Variants in GPR180 observed in about 807,000 individuals in gnomAD.
The protein encoded by GPR180 is G protein-coupled receptor 180.
A neutral mutation model predicts 52.6 loss-of-function variants in GPR180; 53 were observed. The observed-to-expected ratio is 1.01, with a 90% CI of 0.81 to 1.27. The LOEUF (loss-of-function observed/expected upper bound fraction) is 1.27. GPR180 is among the 50% of genes most tolerant of loss of function. GPR180 has a pLI of 0.00. For synonymous variants in GPR180, 200 were observed against 193.1 expected (o/e 1.04, Z -0.30); for missense variants, 533 against 527.0 (o/e 1.01, Z -0.11).
At chr13:94,602,362 A>C (rs1012613768) in intron 1 of GPR180, among the ~76,000 whole-genome samples, 20 of 152,170 alleles carry the variant, frequency 1.3e-4, no homozygotes, top group Admixed American at 3.3e-4. Context: ...CTTGGAAGCC[A>C]ATGTGCAAAA....
intron 7 of GPR180, among the ~76,000 whole-genome samples, chr13:94,624,621 G>A (rs563639609): frequency 1.3e-5 from 2 of 152,322 alleles, no homozygotes; most frequent in South Asian, 4.1e-4. Context: ...GCAGTGGCGT[G>A]ATCTCGGCTC....
chr13:94,619,131 C>G lies in GPR180; in HGVS notation c.506-19C>G, dbSNP rs775140623. The G allele has an allele frequency of 3.1e-6, 5 of 1,598,748 alleles. No homozygotes were observed. The South Asian group carries it at 5.6e-5, about 18-fold the overall frequency. ...TGGCTTTGTTTTACTGAAGCAAACT[C>G]CCTTTCTTCTCTTCACAGGGTTACA... On this transcript the variant is annotated intron_variant, in intron 3 of 8. Transcript: ENST00000376958.
intron 2 of GPR180, among the ~76,000 whole-genome samples, chr13:94,610,474 C>T (rs933753026): frequency 3.3e-5 from 5 of 152,170 alleles, no homozygotes; most frequent in Non-Finnish European, 7.4e-5. Flanking sequence ...CACAAGAACT[C>T]TGCACTAGCA....
chr13:94,613,777 A>C (rs1889742263), intron 3 of GPR180, among the ~76,000 whole-genome samples: 1 of 151,644 alleles, frequency 6.6e-6, no homozygotes, highest in South Asian at 2.1e-4. Context: ...AAAGATGCCA[A>C]CTTTTTTCTG....
Position 94,633,642 on chromosome 13 carries a change from A to ATTTGTGAT in GPR180, c.*6475_*6482dup, listed in dbSNP as rs1890028741. The stretch of plus-strand genomic sequence containing the variant: ...ATATGAGTCTGAACTGTGTTTCTCA[A>ATTTGTGAT]TTTGTGATTTTTCTCTTTACTTTTT... On this transcript the variant is annotated 3_prime_UTR_variant, in exon 9 of 9. Coordinates refer to ENST00000376958, the MANE Select transcript of GPR180 (RefSeq NM_180989.6). 6.6e-6 allele frequency: 1 copy of ATTTGTGAT among 150,880 alleles called. No individual in the cohort carries two copies. Among genetic ancestry groups the ATTTGTGAT allele is most frequent in the Non-Finnish European group, 1.5e-5 (1 of 67,716 alleles). The allele number at this position is 150,880 out of a possible 1,614,324, so 9.3% of individuals were successfully genotyped here. A position where few individuals can be genotyped will look rare whatever the true frequency, so the allele number is the denominator to read the frequency against.
intron 1 of GPR180, among the ~76,000 whole-genome samples, chr13:94,602,344 A>G (rs897672296): frequency 4.6e-5 from 7 of 151,172 alleles, no homozygotes; most frequent in African/African-American, 1.2e-4. Context: ...CATTTCCCCA[A>G]CCCTCCCCTT....
chr13:94,623,267 ACT>A lies in GPR180; in HGVS notation c.1055_1056del (p.Leu352GlnfsTer30). 6.2e-7 allele frequency: 1 copy of A among 1,613,676 alleles called. No homozygotes were observed. Among genetic ancestry groups the A allele is most frequent in the Non-Finnish European group, 8.5e-7 (1 of 1,179,830 alleles). Reference protein sequence around the residue: ...YQIITVERSTLKREFYITFAK... With the variant: ...YQIITVERSTXKREFYITFAK... ...AGATCATCACAGTGGAGAGAAGTAC[ACT>A]CAAAAGGGAGTTCTACATCACATTT... On this transcript the variant is annotated frameshift_variant, in exon 7 of 9. Coordinates refer to ENST00000376958, the MANE Select transcript of GPR180 (RefSeq NM_180989.6). LOFTEE classifies it high-confidence loss of function.
At chr13:94,615,060 A>G (rs1173486380) in intron 3 of GPR180, among the ~76,000 whole-genome samples, 1 of 152,240 alleles carries the variant, frequency 6.6e-6, no homozygotes, top group Non-Finnish European at 1.5e-5. Flanking sequence ...TATGAGGGTT[A>G]AAACAAAAAT....
intron 6 of GPR180, among the ~76,000 whole-genome samples, chr13:94,622,545 CAG>C (rs1251101504): frequency 6.6e-6 from 1 of 152,078 alleles, no homozygotes; most frequent in Non-Finnish European, 1.5e-5. Flanking sequence ...TATATGAAAA[CAG>C]GGAAGTTTGA....
At chr13:94,622,719 G>T (rs1294469637) in intron 6 of GPR180, among the ~76,000 whole-genome samples, 1 of 152,118 alleles carries the variant, frequency 6.6e-6, no homozygotes, top group Non-Finnish European at 1.5e-5. Flanking sequence ...GATTACAGGT[G>T]CCCGCCACCA....
intron 3 of GPR180, among the ~76,000 whole-genome samples, chr13:94,617,780 A>G (rs1464643362): frequency 1.3e-5 from 2 of 152,166 alleles, no homozygotes; most frequent in Non-Finnish European, 2.9e-5. Context: ...GGTGTTCGCT[A>G]TTGGAATGAA....
At position 94,602,609 on chromosome 13, in the gene GPR180, A is replaced by G. The variant is rs543830568; in HGVS notation, c.145+537A>G. On this transcript the variant is annotated intron_variant, in intron 1 of 8. Coordinates refer to ENST00000376958, the MANE Select transcript of GPR180 (RefSeq NM_180989.6). ...TGAGCAGTTTGGTTACTTGGCTACT[A>G]GGGCAGTAGATTTACTATGGGCAGT... 2.6e-5 allele frequency among the ~76,000 whole-genome samples: 4 copies of G among 151,356 alleles called. No individual in the cohort carries two copies. In the East Asian group the frequency reaches 5.8e-4, roughly 22 times the overall value.
chr13:94,607,046 A>T (rs1359873809), intron 2 of GPR180, among the ~76,000 whole-genome samples: 1 of 152,090 alleles, frequency 6.6e-6, no homozygotes, highest in Non-Finnish European at 1.5e-5. Context: ...CCCCATCCAG[A>T]CCTGGTCCTC....
rs1889732783 is a variant in GPR180 at position 94,613,100 on chromosome 13, A to G, written c.505+710A>G. ...ATGCTATGAAGTATAACTGATTTGT[A>G]AATTAACATATTGGAGTAAGGATTT... On this transcript the variant is annotated intron_variant, in intron 3 of 8. Coordinates refer to ENST00000376958, the MANE Select transcript of GPR180 (RefSeq NM_180989.6). 3.3e-5 allele frequency among the ~76,000 whole-genome samples: 5 copies of G among 152,228 alleles called. No homozygotes were observed. The South Asian group carries it at 8.3e-4, about 25-fold the overall frequency.
At chr13:94,602,216 A>C in intron 1 of GPR180, 144 bp downstream of exon 1, 1 of 771,090 alleles carries the variant, frequency 1.3e-6, no homozygotes, top group Non-Finnish European at 1.8e-6. Flanking sequence ...CCAGCGTTGC[A>C]GCAGCTGCCG....
chr13:94,627,070 C>T lies in GPR180; in HGVS notation c.1222C>T (p.Leu408Phe). 1 of 1,611,594 alleles carries T rather than the reference C, an allele frequency of 6.2e-7. No homozygotes were observed. The highest frequency in any genetic ancestry group is 8.5e-7 in the Non-Finnish European group (1 of 1,178,114). The change falls in exon 9 of 9, where the codon CTC becomes TTC. Residue 408 changes from leucine to phenylalanine, a missense_variant. By Grantham distance (22) the Leu-to-Phe change is conservative. Coordinates refer to ENST00000376958, the MANE Select transcript of GPR180 (RefSeq NM_180989.6). ...QSVSMVILYR[L>F]FLSHSLYWEV... ...TGTTTCCATGGTTATTCTCTACAGA[C>T]TCTTTCTGTCTCACAGTCTATACTG...
At chr13:94,617,625 G>T (rs565166982) in intron 3 of GPR180, among the ~76,000 whole-genome samples, 2 of 152,182 alleles carry the variant, frequency 1.3e-5, no homozygotes, top group African/African-American at 4.8e-5. Context: ...CCCTAACGAG[G>T]CCAAAAGCCT....
intron 3 of GPR180, among the ~76,000 whole-genome samples, chr13:94,613,117 T>A (rs1889733019): frequency 6.6e-6 from 1 of 152,084 alleles, no homozygotes; most frequent in Non-Finnish European, 1.5e-5. Context: ...CATATTGGAG[T>A]AAGGATTTGT....
At chr13:94,626,991 A>G (rs1889937050) in intron 8 of GPR180, 22 bp from the exon 9 acceptor site, 2 of 1,551,010 alleles carry the variant, frequency 1.3e-6, no homozygotes, top group Non-Finnish European at 1.7e-6. Context: ...TAGTAAAAGC[A>G]TTCCTTTCCT....
Sources: gnomAD v4.1 joint callset for allele counts (sites outside exome capture counted in the v4.1 genomes callset) on GRCh38, gnomAD v4.1.1 for gene constraint, MANE v1.5 for transcripts, NCBI Gene and HGNC (gene_info 2026-07-23, HGNC 2026-07-21) for gene names.